Variants in DSCAM observed in about 807,000 individuals in gnomAD.
DSCAM encodes cell adhesion molecule DSCAM.
In DSCAM, 47 loss-of-function variants were observed where a neutral mutation model predicts 217.7. The ratio of observed to expected loss-of-function variants is 0.22; its 90% CI spans 0.17 to 0.28. DSCAM has a LOEUF of 0.28. DSCAM is among the 10% of genes least tolerant of loss of function. The pLI, the probability that DSCAM is intolerant of heterozygous loss-of-function variation, is 1.00. For synonymous variants in DSCAM, 1,056 were observed against 1,015.3 expected, an observed-to-expected ratio of 1.04 and a Z score of -0.76; for missense variants, 2,080 against 2,618.3, an observed-to-expected ratio of 0.79 and a Z score of 4.49.
chr21:40,428,459 G>A (rs1448707358), intron 3 of DSCAM, among the ~76,000 whole-genome samples: 6 of 151,882 alleles, frequency 4.0e-5, no homozygotes, highest in African/African-American at 1.5e-4. Context: ...CAGTAGAGAT[G>A]GGGTTTCTCC....
At chr21:40,215,975 C>T (rs1414766255) in intron 11 of DSCAM, among the ~76,000 whole-genome samples, 5 of 151,034 alleles carry the variant, frequency 3.3e-5, no homozygotes, top group Non-Finnish European at 7.4e-5. Context: ...TATTTGTGCT[C>T]AAGACTACTA....
At chr21:40,791,156 CAA>C (rs61244663) in intron 1 of DSCAM, among the ~76,000 whole-genome samples, 56 of 142,000 alleles carry the variant, frequency 3.9e-4, no homozygotes, top group Admixed American at 4.9e-4. Flanking sequence ...GACTTCATCT[CAA>C]AAAAAAAAAA....
intron 3 of DSCAM, among the ~76,000 whole-genome samples, chr21:40,388,039 GGAGA>G (rs1409841509): frequency 6.6e-6 from 1 of 152,084 alleles, no homozygotes; most frequent in Non-Finnish European, 1.5e-5. Context: ...GAGACTTGAA[GGAGA>G]GATAGAGGAA....
At chr21:40,424,056 G>T (rs2075449578) in intron 3 of DSCAM, among the ~76,000 whole-genome samples, 1 of 152,032 alleles carries the variant, frequency 6.6e-6, no homozygotes, top group South Asian at 2.1e-4. Context: ...AAAACAGGAA[G>T]GTAAAATTTG....
chr21:40,824,673 G>A (rs956025646), intron 1 of DSCAM, among the ~76,000 whole-genome samples: 5 of 152,008 alleles, frequency 3.3e-5, no homozygotes, highest in South Asian at 2.1e-4. Context: ...CCTTGGCCCC[G>A]TCAAAGTGCT....
Position 40,078,844 on chromosome 21 carries a change from G to A in DSCAM, c.4554C>T (p.Thr1518=). 6.2e-7 allele frequency: 1 copy of A among 1,614,198 alleles called. No individual in the cohort carries two copies. The highest frequency in any genetic ancestry group is 8.5e-7 in the Non-Finnish European group (1 of 1,180,048). ...SFTLEYRPFG[T]TVWTTAQRTS... ...TCCTCTGAGCTGTGGTCCAAACTGTGGTCCCAAAGGGCCTGTACTCTAGTG... is the reference window on the plus strand; with the variant it reads ...TCCTCTGAGCTGTGGTCCAAACTGTAGTCCCAAAGGGCCTGTACTCTAGTG... The change falls in exon 26 of 33, where the codon ACC becomes ACT. Residue 1518 remains threonine (T), a synonymous_variant. Transcript: ENST00000400454.
At position 40,296,167 on chromosome 21, in the gene DSCAM, G is replaced by A; in HGVS notation, c.2070C>T (p.Pro690=). ...GGTCCCGTGGCTGAACCACAAACTT[G>A]GGAGGAACTGAAAAGAGAGAAATGT... ...HQSQLIVRVP[P]KFVVQPRDQD... is the part of the protein sequence containing the mutation. Residue 690 remains proline, a synonymous_variant, in exon 10 of 33, where the codon CCC becomes CCT. Coordinates refer to ENST00000400454, the MANE Select transcript of DSCAM (RefSeq NM_001389.5). 6.2e-7 allele frequency: 1 copy of A among 1,613,890 alleles called. No homozygotes were observed.
intron 3 of DSCAM, among the ~76,000 whole-genome samples, chr21:40,430,412 T>C (rs2075519490): frequency 6.6e-6 from 1 of 152,206 alleles, no homozygotes; most frequent in South Asian, 2.1e-4. Flanking sequence ...CCAGCAAATA[T>C]TAAGCAGGCA....
At chr21:40,030,529 G>C (rs1034045889) in intron 32 of DSCAM, among the ~76,000 whole-genome samples, 1 of 152,118 alleles carries the variant, frequency 6.6e-6, no homozygotes, top group Non-Finnish European at 1.5e-5. Flanking sequence ...AAAGATAAAG[G>C]CCAGGAGATA....
chr21:40,304,140 AT>A (rs2074046087), intron 9 of DSCAM, among the ~76,000 whole-genome samples: 1 of 152,146 alleles, frequency 6.6e-6, no homozygotes, highest in Non-Finnish European at 1.5e-5. Context: ...CAGCTAAGAG[AT>A]TTTTGCTTTT....
intron 15 of DSCAM, among the ~76,000 whole-genome samples, chr21:40,178,023 G>A (rs530308064): frequency 1.3e-5 from 2 of 152,164 alleles, no homozygotes; most frequent in East Asian, 3.9e-4. Flanking sequence ...AGAAGAGGTA[G>A]GTTTGGGAGC....
chr21:40,672,832 C>T (rs1019946187), intron 3 of DSCAM, among the ~76,000 whole-genome samples: 1 of 152,104 alleles, frequency 6.6e-6, no homozygotes, highest in African/African-American at 2.4e-5. Flanking sequence ...CATACCAAAG[C>T]TTCCCCAAAC....
At chr21:40,456,151 T>C (rs8130382) in intron 3 of DSCAM, among the ~76,000 whole-genome samples, 11,251 of 151,912 alleles carry the variant, frequency 0.074, 825 homozygotes, top group African/African-American at 0.18. Flanking sequence ...AATAGAGAAG[T>C]ATCATTGCAA....
chr21:40,042,788 A>G, intron 31 of DSCAM, 115 bp from the exon 32 acceptor site: 1 of 1,024,010 alleles, frequency 9.8e-7, no homozygotes, highest in Non-Finnish European at 1.4e-6. Context: ...GGGACCTGGT[A>G]GGAGTTCTGG....
intron 14 of DSCAM, among the ~76,000 whole-genome samples, chr21:40,184,029 G>T (rs2090867864): frequency 6.6e-6 from 1 of 152,128 alleles, no homozygotes; most frequent in Non-Finnish European, 1.5e-5. Flanking sequence ...CCCATAGGGG[G>T]ACAACTGTTC....
In DSCAM at chr21:40,187,987, T is replaced by G. The variant is rs1264794897; in HGVS notation, c.2554A>C (p.Ile852Leu). 6.2e-7 allele frequency: 1 copy of G among 1,612,620 alleles called. No individual in the cohort carries two copies. The change falls in exon 13 of 33, where the codon ATT becomes CTT. Residue 852 changes from isoleucine to leucine, a missense_variant and splice_region_variant. By Grantham distance (5) the Ile-to-Leu change is conservative. This residue lies in a region of DSCAM where 1,144 missense variants were observed against 1,421.1 expected (regional missense o/e 0.81). Coordinates refer to ENST00000400454, the MANE Select transcript of DSCAM (RefSeq NM_001389.5). ...GAATCTTCTCTCACAGTTGGCAAAATCTATGTGTAAAGCAGAAAGAAATTC... is the reference window on the plus strand; with the variant it reads ...GAATCTTCTCTCACAGTTGGCAAAAGCTATGTGTAAAGCAGAAAGAAATTC... ...VGEEVISTLQ[I>L]LPTVREDSGF...
At chr21:40,198,346 T>C (rs559364396) in intron 11 of DSCAM, among the ~76,000 whole-genome samples, 2 of 152,320 alleles carry the variant, frequency 1.3e-5, no homozygotes, top group African/African-American at 4.8e-5. Flanking sequence ...ATGGTGATAC[T>C]GGCTGGTCAA....
intron 3 of DSCAM, among the ~76,000 whole-genome samples, chr21:40,413,430 A>G (rs1471105807): frequency 6.6e-6 from 1 of 152,224 alleles, no homozygotes; most frequent in African/African-American, 2.4e-5. Context: ...TTGCATCAGC[A>G]TGACCCAGAT....
chr21:40,824,073 T>C (rs1044626612), intron 1 of DSCAM, among the ~76,000 whole-genome samples: 1 of 152,130 alleles, frequency 6.6e-6, no homozygotes, highest in Non-Finnish European at 1.5e-5. Context: ...ATGGGGATAA[T>C]CTAGACCCAA....
Sources: gnomAD v4.1 joint callset for allele counts (sites outside exome capture counted in the v4.1 genomes callset) on GRCh38, gnomAD v4.1.1 for gene constraint, gnomAD v4.1.1 regional missense constraint, MANE v1.5 for transcripts, NCBI Gene and HGNC (gene_info 2026-07-23, HGNC 2026-07-21) for gene names.